Variants in ULK4 observed in about 807,000 individuals in gnomAD.
The protein encoded by ULK4 is inactive serine/threonine-protein kinase ULK4.
Under a neutral mutation model 160.6 loss-of-function variants are expected in ULK4, and 133 were observed. The ratio of observed to expected loss-of-function variants is 0.83; its 90% CI spans 0.72 to 0.96. The LOEUF is 0.96. Ranked by LOEUF, ULK4 falls within the 40% of genes least tolerant of loss-of-function variation. The pLI, the probability that ULK4 is intolerant of heterozygous loss-of-function variation, is 0.00. For synonymous variants in ULK4, 534 were observed against 539.8 expected (o/e 0.99, Z 0.15); for missense variants, 1,580 against 1,499.5 (o/e 1.05, Z -0.89).
At chr3:41,909,533 A>C (rs1030720932) in intron 11 of ULK4, among the ~76,000 whole-genome samples, 12 of 144,232 alleles carry the variant, frequency 8.3e-5, no homozygotes, top group Non-Finnish European at 1.7e-4. Flanking sequence ...CAACTCGGAG[A>C]AACTCCATCT....
At chr3:41,627,316 G>A (rs1646067078) in intron 30 of ULK4, among the ~76,000 whole-genome samples, 1 of 152,148 alleles carries the variant, frequency 6.6e-6, no homozygotes, top group African/African-American at 2.4e-5. Flanking sequence ...AGAATGACAG[G>A]ACAGGTCCAT....
intron 35 of ULK4, among the ~76,000 whole-genome samples, chr3:41,376,659 A>G (rs2081505085): frequency 6.7e-6 from 1 of 149,634 alleles, no homozygotes; most frequent in South Asian, 2.2e-4. Context: ...TAGGAATCCA[A>G]CTTACAAGGG....
intron 30 of ULK4, among the ~76,000 whole-genome samples, chr3:41,644,341 G>A (rs1327026950): frequency 6.6e-6 from 1 of 151,734 alleles, no homozygotes; most frequent in Non-Finnish European, 1.5e-5. Flanking sequence ...GTCATAGATA[G>A]CTCTTATTAT....
At chr3:41,363,932 C>T (rs61653930) in intron 35 of ULK4, among the ~76,000 whole-genome samples, 7,075 of 147,588 alleles carry the variant, frequency 0.048, 398 homozygotes, top group East Asian at 0.21. Flanking sequence ...AATTCTCTCT[C>T]TTTTTTTTTT....
At chr3:41,601,198 G>C (rs1432536622) in intron 31 of ULK4, among the ~76,000 whole-genome samples, 1 of 151,628 alleles carries the variant, frequency 6.6e-6, no homozygotes, top group Non-Finnish European at 1.5e-5. Context: ...AAGAAGACAG[G>C]GTAAATAACG....
chr3:41,804,838 C>G lies in ULK4; in HGVS notation c.1849-4545G>C, dbSNP rs557821420. Among the ~76,000 whole-genome samples, 151 of 152,194 alleles carry G rather than the reference C, an allele frequency of 9.9e-4. 1 individual carries two copies. Among genetic ancestry groups the G allele is most frequent in the African/African-American group, 3.5e-3 (144 of 41,520 alleles). ...GAGGGCTCTGTTCTATTCCATTGGT[C>G]TATATCTCTGTTTTGGTACCAGTAC... On this transcript the variant is annotated intron_variant, in intron 19 of 36. Coordinates refer to ENST00000301831, the MANE Select transcript of ULK4 (RefSeq NM_017886.4).
intron 35 of ULK4, among the ~76,000 whole-genome samples, chr3:41,320,734 C>T (rs1477981857): frequency 7.5e-6 from 1 of 133,426 alleles, no homozygotes; most frequent in African/African-American, 3.0e-5. Flanking sequence ...CTGGCCAACA[C>T]GGTGAAACCC....
At chr3:41,547,697 T>TCTGCC (rs2086911795) in intron 32 of ULK4, among the ~76,000 whole-genome samples, 1 of 152,180 alleles carries the variant, frequency 6.6e-6, no homozygotes. Context: ...CATACTGCAT[T>TCTGCC]CTGCCCTGAG....
intron 18 of ULK4, among the ~76,000 whole-genome samples, chr3:41,829,168 T>C (rs1301459950): frequency 3.1e-4 from 47 of 150,450 alleles, no homozygotes; most frequent in African/African-American, 8.9e-4. Context: ...AAGACTTAAA[T>C]GTTAGACCTA....
chr3:41,269,537 A>G (rs1343025302), intron 35 of ULK4, among the ~76,000 whole-genome samples: 1 of 152,182 alleles, frequency 6.6e-6, no homozygotes, highest in Admixed American at 6.5e-5. Context: ...AAATGGTGCC[A>G]TGAGTCAGAT....
intron 18 of ULK4, among the ~76,000 whole-genome samples, chr3:41,830,310 A>T (rs2041533085): frequency 6.6e-6 from 1 of 152,144 alleles, no homozygotes; most frequent in South Asian, 2.1e-4. Flanking sequence ...AAAAAGGTAT[A>T]TACCAAGGAA....
Position 41,829,411 on chromosome 3 carries a change from A to G in ULK4, c.1764+6453T>C, listed in dbSNP as rs536358592. Among the ~76,000 whole-genome samples, 145 of 144,794 alleles carry G rather than the reference A, an allele frequency of 1.0e-3. 1 individual carries two copies. The highest frequency in any genetic ancestry group is 1.6e-3 in the Non-Finnish European group (107 of 65,966). 95.0% of individuals were successfully genotyped at this position (144,794 alleles called of 152,430 possible). A position where few individuals can be genotyped will look rare whatever the true frequency, so the allele number is the denominator to read the frequency against. On this transcript the variant is annotated intron_variant, in intron 18 of 36. Transcript: ENST00000301831. ...CAATCCACACATCTGACAAAGGGCT[A>G]ATATCCAGAATCTACAATGAACTCA...
chr3:41,471,793 A>T (rs1313042233), intron 32 of ULK4, among the ~76,000 whole-genome samples: 1 of 152,194 alleles, frequency 6.6e-6, no homozygotes, highest in African/African-American at 2.4e-5. Flanking sequence ...AAATTTAAAA[A>T]AATTGAGACA....
chr3:41,490,647 T>G (rs1328626800), intron 32 of ULK4, among the ~76,000 whole-genome samples: 2 of 152,180 alleles, frequency 1.3e-5, no homozygotes, highest in African/African-American at 4.8e-5. Context: ...GGAACTCTAT[T>G]TGAAGGCAAA....
intron 34 of ULK4, among the ~76,000 whole-genome samples, chr3:41,431,856 C>T (rs559714373): frequency 1.4e-5 from 2 of 146,738 alleles, no homozygotes; most frequent in African/African-American, 5.1e-5. Context: ...GTGGCGCGAT[C>T]TCGGTTCACC....
intron 30 of ULK4, among the ~76,000 whole-genome samples, chr3:41,634,454 G>C (rs1357930546): frequency 6.6e-6 from 1 of 152,178 alleles, no homozygotes; most frequent in Non-Finnish European, 1.5e-5. Flanking sequence ...TGAGTCAGGA[G>C]GGCAGCCCTC....
chr3:41,737,185 T>C (rs529710220), intron 22 of ULK4, among the ~76,000 whole-genome samples: 23 of 152,006 alleles, frequency 1.5e-4, no homozygotes, highest in East Asian at 5.8e-4. Flanking sequence ...ACAAAATCAA[T>C]GTGCAAAAAT....
intron 23 of ULK4, among the ~76,000 whole-genome samples, chr3:41,715,953 C>T (rs1173908833): frequency 1.3e-5 from 2 of 151,718 alleles, no homozygotes; most frequent in African/African-American, 2.4e-5. Flanking sequence ...GTGGCTCATG[C>T]CTGTAATCCT....
intron 19 of ULK4, among the ~76,000 whole-genome samples, chr3:41,814,551 T>C (rs1303445301): frequency 6.6e-6 from 1 of 152,200 alleles, no homozygotes; most frequent in Admixed American, 6.5e-5. Context: ...TCTAGGTCTA[T>C]GCTGATTGTT....
Sources: gnomAD v4.1 joint callset for allele counts (sites outside exome capture counted in the v4.1 genomes callset) on GRCh38, gnomAD v4.1.1 for gene constraint, MANE v1.5 for transcripts, NCBI Gene and HGNC (gene_info 2026-07-23, HGNC 2026-07-21) for gene names.